PDE4B: variants seen among roughly 807,000 people sequenced by gnomAD.
PDE4B encodes the protein 3',5'-cyclic-AMP phosphodiesterase 4B.
Under a neutral mutation model 82.2 loss-of-function variants are expected in PDE4B, and 20 were observed. That is an observed-to-expected ratio of 0.24 (90% confidence interval 0.17 to 0.35). The LOEUF (loss-of-function observed/expected upper bound fraction) is 0.35, where lower values mean the gene tolerates loss of function less well. PDE4B is among the 10% of genes least tolerant of loss of function. The pLI, the probability that PDE4B is intolerant of heterozygous loss-of-function variation, is 1.00. For missense variants in PDE4B, 655 were observed against 907.2 expected, an observed-to-expected ratio of 0.72 and a Z score of 3.57; for synonymous variants, 320 against 318.9, an observed-to-expected ratio of 1.00 and a Z score of -0.04.
chr1:66,305,565 C>A (rs1440643548), intron 7 of PDE4B, among the ~76,000 whole-genome samples: 1 of 151,984 alleles, frequency 6.6e-6, no homozygotes, highest in East Asian at 1.9e-4. Flanking sequence ...ACATTTTATT[C>A]ATAGGAAAAA....
chr1:65,965,699 T>C (rs1216182278), intron 3 of PDE4B, among the ~76,000 whole-genome samples: 2 of 152,244 alleles, frequency 1.3e-5, no homozygotes, highest in East Asian at 3.9e-4. Context: ...CTTTTGCCAC[T>C]AGTGCTTAGC....
chr1:66,107,600 A>G (rs1645394023), intron 3 of PDE4B, among the ~76,000 whole-genome samples: 1 of 151,932 alleles, frequency 6.6e-6, no homozygotes, highest in African/African-American at 2.4e-5. Context: ...ATTTGTTAGC[A>G]TTCTTGCTGC....
chr1:66,346,380 A>G (rs1030089164), intron 8 of PDE4B, among the ~76,000 whole-genome samples: 1 of 152,188 alleles, frequency 6.6e-6, no homozygotes, highest in Non-Finnish European at 1.5e-5. Context: ...AATTTGAGAA[A>G]ATTGGCTAAA....
intron 3 of PDE4B, among the ~76,000 whole-genome samples, chr1:66,229,891 C>T (rs984001753): frequency 2.6e-5 from 4 of 152,174 alleles, no homozygotes; most frequent in Admixed American, 2.0e-4. Context: ...AATCCAAGGC[C>T]CTTTAGCTAG....
intron 1 of PDE4B, among the ~76,000 whole-genome samples, chr1:65,844,264 A>C (rs981250445): frequency 6.6e-6 from 1 of 152,214 alleles, no homozygotes; most frequent in Non-Finnish European, 1.5e-5. Context: ...ACTGGATAAC[A>C]AAATTGAGAA....
At chr1:65,796,489 G>A (rs1645632976) in intron 1 of PDE4B, among the ~76,000 whole-genome samples, 2 of 151,452 alleles carry the variant, frequency 1.3e-5, no homozygotes, top group South Asian at 4.2e-4. Context: ...TCTGTCCTCT[G>A]TCTTCTCTAC....
At chr1:66,093,949 C>A (rs1032757678) in intron 3 of PDE4B, among the ~76,000 whole-genome samples, 3 of 152,034 alleles carry the variant, frequency 2.0e-5, no homozygotes, top group Admixed American at 6.6e-5. Context: ...TATTGAACTT[C>A]TCCTATATGC....
chr1:66,224,582 T>C (rs1035661084), intron 3 of PDE4B, among the ~76,000 whole-genome samples: 1 of 152,138 alleles, frequency 6.6e-6, no homozygotes, highest in Non-Finnish European at 1.5e-5. Context: ...ACGTGGGCAC[T>C]GTGGCGTGTG....
At chr1:66,206,696 G>A (rs951545569) in intron 3 of PDE4B, among the ~76,000 whole-genome samples, 1 of 152,176 alleles carries the variant, frequency 6.6e-6, no homozygotes, top group African/African-American at 2.4e-5. Context: ...ACAGAACTGG[G>A]ACCTAAACCA....
At chr1:66,021,676 T>C (rs1423475947) in intron 3 of PDE4B, among the ~76,000 whole-genome samples, 4 of 152,226 alleles carry the variant, frequency 2.6e-5, no homozygotes, top group African/African-American at 9.6e-5. Flanking sequence ...TCTATATCTC[T>C]GTTTTGGTAC....
chr1:66,158,585 C>A (rs1179487133), intron 3 of PDE4B, among the ~76,000 whole-genome samples: 3 of 152,174 alleles, frequency 2.0e-5, no homozygotes, highest in Non-Finnish European at 4.4e-5. Context: ...CCAGCAATCC[C>A]ACTACTAGTT....
intron 3 of PDE4B, among the ~76,000 whole-genome samples, chr1:66,145,054 G>A (rs1291420749): frequency 6.6e-6 from 1 of 152,202 alleles, no homozygotes; most frequent in African/African-American, 2.4e-5. Flanking sequence ...GTGGCCGTGA[G>A]TAGCAATCTA....
intron 7 of PDE4B, chr1:66,266,719 G>T: frequency 3.8e-6 from 2 of 525,010 alleles, no homozygotes; most frequent in East Asian, 5.5e-5. Flanking sequence ...CAGAGAGGAA[G>T]GGCCACCTTG....
chr1:66,228,626 T>A (rs934390057), intron 3 of PDE4B, among the ~76,000 whole-genome samples: 1 of 135,092 alleles, frequency 7.4e-6, no homozygotes, highest in African/African-American at 2.7e-5. Context: ...AAGACTCCGT[T>A]AAAAAAAAAA....
intron 7 of PDE4B, among the ~76,000 whole-genome samples, chr1:66,298,459 T>C (rs2101831182): frequency 6.6e-6 from 1 of 152,272 alleles, no homozygotes; most frequent in South Asian, 2.1e-4. Flanking sequence ...ACTTCATGGG[T>C]CTTTTACATC....
intron 1 of PDE4B, among the ~76,000 whole-genome samples, chr1:65,813,893 C>CAAAAAAA (rs5774766): frequency 4.8e-5 from 5 of 103,436 alleles, no homozygotes; most frequent in Non-Finnish European, 5.9e-5. Flanking sequence ...GGCACTGCGG[C>CAAAAAAA]AAAAAAAAAA....
Position 66,372,664 on chromosome 1 carries a change from C to G in PDE4B, c.2197C>G (p.Pro733Ala). Residue 733 changes from proline (P) to alanine (A), a missense_variant, in exon 17 of 17, where the codon CCC becomes GCC. Pro to Ala is a conservative substitution (Grantham distance 27). This residue lies in a region of PDE4B where 119 missense variants were observed against 115.2 expected (regional missense o/e 1.03). Transcript: ENST00000341517. ...AGACATTGCAACAGAAGACAAGTCC[C>G]CCGTGGATACATAATCCCCCTCTCC... is the stretch of plus-strand genomic sequence containing the variant. ...DIDIATEDKS[P>A]VDT 6.2e-7 allele frequency: 1 copy of G among 1,611,810 alleles called. No individual in the cohort carries two copies. Among genetic ancestry groups the G allele is most frequent in the Non-Finnish European group, 8.5e-7 (1 of 1,178,468 alleles).
Position 65,989,303 on chromosome 1 carries a change from C to A in PDE4B, c.281+70468C>A, listed in dbSNP as rs564968803. On this transcript the variant is annotated intron_variant, in intron 3 of 16. Coordinates refer to ENST00000341517, the MANE Select transcript of PDE4B (RefSeq NM_002600.4). Reference sequence around the variant, plus strand: ...ATTACATGAGGCCAGGAGTTTGAGACCAGCCTGGCCAACATCGTGAAACCT... The same window carrying A: ...ATTACATGAGGCCAGGAGTTTGAGAACAGCCTGGCCAACATCGTGAAACCT... 3.9e-5 allele frequency among the ~76,000 whole-genome samples: 6 copies of A among 152,072 alleles called. No homozygotes were observed. In the East Asian group the frequency reaches 1.2e-3, roughly 29 times the overall value.
At chr1:66,144,538 C>T (rs1377096006) in intron 3 of PDE4B, among the ~76,000 whole-genome samples, 4 of 152,224 alleles carry the variant, frequency 2.6e-5, no homozygotes, top group East Asian at 1.9e-4. Flanking sequence ...TGTGAATATC[C>T]GAAATGATCC....
Sources: allele counts gnomAD v4.1 joint callset (sites outside exome capture counted in the v4.1 genomes callset), GRCh38; gene constraint gnomAD v4.1.1; regional missense constraint gnomAD v4.1.1; transcripts MANE v1.5; gene names NCBI Gene and HGNC (gene_info 2026-07-23, HGNC 2026-07-21).